Variants in PAPPA2 observed in about 807,000 individuals in gnomAD.
PAPPA2 encodes pappalysin 2, also known as pappalysin-2.
A neutral mutation model predicts 176.4 loss-of-function variants in PAPPA2; 86 were observed. That is an observed-to-expected ratio of 0.49 (90% CI 0.41 to 0.58). The LOEUF (loss-of-function observed/expected upper bound fraction) is 0.58, where lower values mean the gene tolerates loss of function less well. Ranked by LOEUF, PAPPA2 falls within the 20% of genes least tolerant of loss-of-function variation. The pLI is 0.00. For missense variants in PAPPA2, 2,073 were observed against 2,256.9 expected (o/e 0.92, Z 1.65); for synonymous variants, 809 against 852.2 (o/e 0.95, Z 0.88).
At chr1:176,711,117 A>G (rs1661123317) in intron 11 of PAPPA2, among the ~76,000 whole-genome samples, 1 of 152,146 alleles carries the variant, frequency 6.6e-6, no homozygotes, top group African/African-American at 2.4e-5. Flanking sequence ...CATCACCTTT[A>G]GTTGTAAGGG....
intron 3 of PAPPA2, among the ~76,000 whole-genome samples, chr1:176,600,473 G>C (rs1447517364): frequency 6.6e-6 from 1 of 151,578 alleles, no homozygotes; most frequent in Non-Finnish European, 1.5e-5. Context: ...TCAGGAGATC[G>C]AGACCATCCT....
intron 3 of PAPPA2, among the ~76,000 whole-genome samples, chr1:176,636,115 T>G (rs185108059): frequency 3.0e-4 from 45 of 152,294 alleles, no homozygotes; most frequent in African/African-American, 1.0e-3. Context: ...CCTTGATGCA[T>G]TCTGCTGTTG....
intron 2 of PAPPA2, among the ~76,000 whole-genome samples, chr1:176,560,844 A>G (rs1241297415): frequency 6.6e-6 from 1 of 152,224 alleles, no homozygotes; most frequent in Non-Finnish European, 1.5e-5. Context: ...GAAGTTGCCC[A>G]GCTGAGTAAC....
At chr1:176,617,426 G>C (rs776106224) in intron 3 of PAPPA2, among the ~76,000 whole-genome samples, 1 of 152,070 alleles carries the variant, frequency 6.6e-6, no homozygotes, top group African/African-American at 2.4e-5. Flanking sequence ...CACATGAGCA[G>C]TGTACACTGT....
intron 15 of PAPPA2, 61 bp downstream of exon 15, chr1:176,765,898 C>G: frequency 6.4e-7 from 1 of 1,567,978 alleles, no homozygotes; most frequent in Non-Finnish European, 8.7e-7. Flanking sequence ...TATTCACACT[C>G]TTCTCTCTGG....
chr1:176,595,748 G>A (rs899568669), intron 3 of PAPPA2, among the ~76,000 whole-genome samples, 153 bp downstream of exon 3: 1 of 152,226 alleles, frequency 6.6e-6, no homozygotes, highest in African/African-American at 2.4e-5. Context: ...TGAAGTGCTA[G>A]GTGTTCTGTT....
At position 176,630,731 on chromosome 1, in the gene PAPPA2, C is replaced by A. The variant is rs183105998; in HGVS notation, c.1991+35136C>A. 5.4e-4 allele frequency among the ~76,000 whole-genome samples: 82 copies of A among 152,220 alleles called. 1 individual carries two copies. Among genetic ancestry groups the A allele is most frequent in the Middle Eastern group, 3.4e-3 (1 of 292 alleles). Reference sequence around the variant, plus strand: ...ATAGAGGGTCTGATAGGGGAGGTGACACATGTATTCATGGCATAGATTACA... The same window carrying A: ...ATAGAGGGTCTGATAGGGGAGGTGAAACATGTATTCATGGCATAGATTACA... On this transcript the variant is annotated intron_variant, in intron 3 of 22. Coordinates refer to ENST00000367662, the MANE Select transcript of PAPPA2 (RefSeq NM_020318.3).
chr1:176,510,810 T>TAAACACAC (rs1648555901), intron 1 of PAPPA2, among the ~76,000 whole-genome samples: 1 of 126,492 alleles, frequency 7.9e-6, no homozygotes, highest in African/African-American at 2.9e-5. Flanking sequence ...AAGCAACACA[T>TAAACACAC]ACACACACAC....
At chr1:176,680,718 G>A (rs1659545367) in intron 4 of PAPPA2, among the ~76,000 whole-genome samples, 1 of 152,142 alleles carries the variant, frequency 6.6e-6, no homozygotes, top group Admixed American at 6.5e-5. Context: ...ATTTTTAGAT[G>A]TTGGTTAATC....
chr1:176,718,117 C>T (rs907765269), intron 12 of PAPPA2, among the ~76,000 whole-genome samples: 1 of 151,990 alleles, frequency 6.6e-6, no homozygotes, highest in Non-Finnish European at 1.5e-5. Flanking sequence ...AATTTTAAAA[C>T]AAATGTAGAG....
intron 12 of PAPPA2, among the ~76,000 whole-genome samples, chr1:176,724,936 G>C (rs1323941184): frequency 6.6e-6 from 1 of 152,164 alleles, no homozygotes; most frequent in Admixed American, 6.5e-5. Flanking sequence ...TAGAGCTACA[G>C]ATAGGATTAA....
chr1:176,560,715 A>C (rs1651616193), intron 2 of PAPPA2, among the ~76,000 whole-genome samples: 1 of 152,174 alleles, frequency 6.6e-6, no homozygotes, highest in South Asian at 2.1e-4. Context: ...CAACCTTGAA[A>C]CCATCCTGTT....
intron 1 of PAPPA2, among the ~76,000 whole-genome samples, chr1:176,493,739 C>G (rs925737182): frequency 1.3e-5 from 2 of 152,148 alleles, no homozygotes; most frequent in African/African-American, 4.8e-5. Context: ...TCAGAAGGCT[C>G]TGCTAGGTTA....
At chr1:176,777,772 A>G (rs912490890) in intron 17 of PAPPA2, among the ~76,000 whole-genome samples, 25 of 152,026 alleles carry the variant, frequency 1.6e-4, no homozygotes, top group Admixed American at 6.6e-4. Flanking sequence ...AACTGAGCAA[A>G]ATTTTTGGTC....
At chr1:176,489,681 G>C (rs1176414130) in intron 1 of PAPPA2, among the ~76,000 whole-genome samples, 1 of 152,114 alleles carries the variant, frequency 6.6e-6, no homozygotes, top group Non-Finnish European at 1.5e-5. Flanking sequence ...AGGTATGTGG[G>C]TCTCCTTTTA....
At chr1:176,790,756 G>T (rs910848597) in intron 18 of PAPPA2, among the ~76,000 whole-genome samples, 8 of 152,176 alleles carry the variant, frequency 5.3e-5, no homozygotes, top group African/African-American at 1.9e-4. Context: ...TTGAGAGTTA[G>T]TGCTACTCTC....
chr1:176,510,601 T>C (rs1253822527), intron 1 of PAPPA2, among the ~76,000 whole-genome samples: 1 of 151,846 alleles, frequency 6.6e-6, no homozygotes, highest in Non-Finnish European at 1.5e-5. Context: ...TATGAATAAA[T>C]AAAAAATTTT....
chr1:176,569,904 T>A (rs570373571), intron 2 of PAPPA2, among the ~76,000 whole-genome samples: 1 of 152,208 alleles, frequency 6.6e-6, no homozygotes, highest in Non-Finnish European at 1.5e-5. Context: ...GGAGGAGTTA[T>A]CCTTACCTTC....
At chr1:176,648,303 G>A (rs532867337) in intron 3 of PAPPA2, among the ~76,000 whole-genome samples, 24 of 151,534 alleles carry the variant, frequency 1.6e-4, no homozygotes, top group African/African-American at 5.3e-4. Flanking sequence ...GCAACTTTCT[G>A]AATTTGTTTA....
Sources: gnomAD v4.1 joint callset for allele counts (sites outside exome capture counted in the v4.1 genomes callset) on GRCh38, gnomAD v4.1.1 for gene constraint, MANE v1.5 for transcripts, NCBI Gene and HGNC (gene_info 2026-07-23, HGNC 2026-07-21) for gene names.